Variants in ADORA2B observed in about 807,000 individuals in gnomAD.
ADORA2B encodes adenosine A2b receptor.
A neutral mutation model predicts 20.8 loss-of-function variants in ADORA2B; 18 were observed. The observed-to-expected ratio is 0.87, with a 90% CI of 0.60 to 1.29. The LOEUF (loss-of-function observed/expected upper bound fraction) is 1.29. Among genes scored for constraint, ADORA2B ranks in the 50% most tolerant of loss-of-function variants. ADORA2B has a pLI of 0.00. For synonymous variants in ADORA2B, 179 were observed against 178.3 expected, an observed-to-expected ratio of 1.00 and a Z score of -0.03; for missense variants, 441 against 422.7, an observed-to-expected ratio of 1.04 and a Z score of -0.38.
At chr17:15,907,441 C>G in the ADORA2B span, among the ~76,000 whole-genome samples, 1 of 152,126 alleles carries the variant, frequency 6.6e-6, no homozygotes, top group Non-Finnish European at 1.5e-5. Context: ...TCCTACTATT[C>G]TCTTGTAACC....
chr17:15,888,840 ATATATATATATTTTTTTTTT>A, the ADORA2B span, among the ~76,000 whole-genome samples: 1 of 17,062 alleles, frequency 5.9e-5, no homozygotes, highest in African/African-American at 4.6e-4. Context: ...ATATATATAT[ATATATATATATTTTTTTTTT>A]TTTTTTTTTT....
intron 1 of ADORA2B, among the ~76,000 whole-genome samples, chr17:15,963,715 C>T (rs1227190577): frequency 1.3e-5 from 2 of 152,208 alleles, no homozygotes; most frequent in Non-Finnish European, 2.9e-5. Flanking sequence ...GGCCCCTAAC[C>T]TCAGTCTCAA....
chr17:15,922,196 A>G, the ADORA2B span, among the ~76,000 whole-genome samples: 2 of 152,124 alleles, frequency 1.3e-5, no homozygotes, highest in Non-Finnish European at 2.9e-5. Context: ...ACTGGTAACT[A>G]CTGTTATCAG....
chr17:15,901,731 TA>T, the ADORA2B span, among the ~76,000 whole-genome samples: 2 of 152,192 alleles, frequency 1.3e-5, no homozygotes, highest in Non-Finnish European at 2.9e-5. Context: ...CTCTGGCTCC[TA>T]AAACACAATT....
the ADORA2B span, among the ~76,000 whole-genome samples, chr17:15,937,246 A>G: frequency 0.018 from 2,770 of 152,294 alleles, 80 homozygotes; most frequent in African/African-American, 0.064. Context: ...AATTTCCTGG[A>G]CAAATTCTGT....
At chr17:15,874,887 C>T in the ADORA2B span, among the ~76,000 whole-genome samples, 1 of 152,120 alleles carries the variant, frequency 6.6e-6, no homozygotes, top group African/African-American at 2.4e-5. Flanking sequence ...ATTTAGTTTA[C>T]GCTTCTCTAC....
At chr17:15,943,776 A>G (rs1969765594), upstream of ADORA2B, among the ~76,000 whole-genome samples, 1 of 152,214 alleles carries the variant, frequency 6.6e-6, no homozygotes, top group Admixed American at 6.5e-5. Context: ...AATCCTTTAC[A>G]AAATCCTTTA....
At chr17:15,886,484 GT>G in the ADORA2B span, among the ~76,000 whole-genome samples, 2 of 129,794 alleles carry the variant, frequency 1.5e-5, 1 homozygote, top group African/African-American at 6.6e-5. Flanking sequence ...ATGAGAAGGT[GT>G]CTCCGGCGTT....
At chr17:15,898,663 G>A in the ADORA2B span, among the ~76,000 whole-genome samples, 1 of 151,860 alleles carries the variant, frequency 6.6e-6, no homozygotes, top group Non-Finnish European at 1.5e-5. Flanking sequence ...CACTGCGCCC[G>A]GCCTTGCTTT....
the ADORA2B span, among the ~76,000 whole-genome samples, chr17:15,853,471 A>T: frequency 6.6e-6 from 1 of 152,382 alleles, no homozygotes; most frequent in Non-Finnish European, 1.5e-5. Flanking sequence ...AGGAATTTTT[A>T]AAGGGGTGTA....
At chr17:15,887,011 C>A in the ADORA2B span, among the ~76,000 whole-genome samples, 10 of 130,712 alleles carry the variant, frequency 7.7e-5, 3 homozygotes, top group Non-Finnish European at 1.3e-4. Flanking sequence ...GATGCCAAAG[C>A]CAGGGAACCT....
the ADORA2B span, among the ~76,000 whole-genome samples, chr17:15,899,096 G>A: frequency 6.6e-6 from 1 of 151,986 alleles, no homozygotes. Flanking sequence ...TGAGCATGGT[G>A]GCGCACACCT....
intron 1 of ADORA2B, among the ~76,000 whole-genome samples, chr17:15,970,135 C>T (rs897240258): frequency 2.0e-5 from 3 of 152,196 alleles, no homozygotes; most frequent in African/African-American, 4.8e-5. Context: ...TATATGTTTA[C>T]TTATTTTCTG....
the ADORA2B span, among the ~76,000 whole-genome samples, chr17:15,928,686 G>A: frequency 1.3e-5 from 2 of 152,218 alleles, no homozygotes; most frequent in East Asian, 3.8e-4. Flanking sequence ...CCAGGACTCC[G>A]TGAAGGTGGG....
At chr17:15,897,582 A>AC in the ADORA2B span, among the ~76,000 whole-genome samples, 22 of 151,050 alleles carry the variant, frequency 1.5e-4, no homozygotes, top group Admixed American at 5.3e-4. Context: ...ACAAAACAAA[A>AC]CCCCCCCACA....
the ADORA2B span, among the ~76,000 whole-genome samples, chr17:15,909,271 A>C: frequency 2.0e-5 from 3 of 152,134 alleles, no homozygotes; most frequent in South Asian, 4.1e-4. Flanking sequence ...TCCAAAAAAC[A>C]CACAAAAAAA....
chr17:15,874,042 G>GTGTGTA, the ADORA2B span, among the ~76,000 whole-genome samples: 1,041 of 134,700 alleles, frequency 7.7e-3, 18 homozygotes, highest in African/African-American at 0.032. Flanking sequence ...ATATATATGT[G>GTGTGTA]TATATATATA....
At chr17:15,954,864 C>T (rs966733471) in intron 1 of ADORA2B, among the ~76,000 whole-genome samples, 1 of 152,172 alleles carries the variant, frequency 6.6e-6, no homozygotes, top group Non-Finnish European at 1.5e-5. Flanking sequence ...GCTGTAACAC[C>T]CAGTGTTGCT....
the ADORA2B span, among the ~76,000 whole-genome samples, chr17:15,922,873 T>C: frequency 6.6e-6 from 1 of 152,234 alleles, no homozygotes. Flanking sequence ...TTTTTGCTGG[T>C]CTAATAGGTG....
Sources: allele counts gnomAD v4.1 joint callset (sites outside exome capture counted in the v4.1 genomes callset), GRCh38; gene constraint gnomAD v4.1.1; transcripts MANE v1.5; gene names NCBI Gene and HGNC (gene_info 2026-07-23, HGNC 2026-07-21).